Variants in PSAT1 observed in about 807,000 individuals in gnomAD.
PSAT1 encodes the protein phosphoserine aminotransferase 1, also known as phosphoserine aminotransferase.
PSAT1 carries 41 observed loss-of-function variants against 40.3 expected under a neutral mutation model. The observed-to-expected ratio is 1.02, with a 90% CI of 0.79 to 1.32. The LOEUF (loss-of-function observed/expected upper bound fraction) is 1.32, where lower values mean the gene tolerates loss of function less well. Ranked by LOEUF, PSAT1 falls within the 40% of genes most tolerant of loss-of-function variation. The pLI is 0.00. For missense variants in PSAT1, 406 were observed against 455.8 expected (o/e 0.89, Z 0.99); for synonymous variants, 147 against 170.5 (o/e 0.86, Z 1.07).
intron 7 of PSAT1, among the ~76,000 whole-genome samples, chr9:78,322,750 G>C (rs1242484458): frequency 2.0e-5 from 3 of 152,198 alleles, no homozygotes; most frequent in Admixed American, 6.5e-5. Flanking sequence ...CAACTCAGAA[G>C]AAATGCAAGC....
chr9:78,322,187 C>T (rs1397026005), intron 7 of PSAT1, among the ~76,000 whole-genome samples: 1 of 151,300 alleles, frequency 6.6e-6, no homozygotes, highest in Non-Finnish European at 1.5e-5. Context: ...GTGACAGATT[C>T]CATGTCTGGA....
chr9:78,325,845 C>G (rs1279865828), intron 7 of PSAT1, among the ~76,000 whole-genome samples: 1 of 152,126 alleles, frequency 6.6e-6, no homozygotes, highest in African/African-American at 2.4e-5. Context: ...TTTGTGATAT[C>G]TTCTACTTTC....
chr9:78,307,279 G>T (rs1385163546), intron 5 of PSAT1, among the ~76,000 whole-genome samples: 1 of 152,212 alleles, frequency 6.6e-6, no homozygotes, highest in Non-Finnish European at 1.5e-5. Flanking sequence ...TCTCCTAGAA[G>T]TGAATCATGT....
chr9:78,308,310 C>A (rs766438321), intron 5 of PSAT1, 104 bp from the exon 6 acceptor site: 56 of 1,310,566 alleles, frequency 4.3e-5, no homozygotes, highest in Admixed American at 7.2e-5. Flanking sequence ...AGGATAGAGT[C>A]ATTTCCTTAA....
intron 3 of PSAT1, among the ~76,000 whole-genome samples, chr9:78,303,490 C>T (rs1034750543): frequency 1.3e-5 from 2 of 152,022 alleles, no homozygotes; most frequent in African/African-American, 4.8e-5. Context: ...CTTTTCTTCT[C>T]CTAACCTGGT....
chr9:78,307,459 T>C (rs928170803), intron 5 of PSAT1, among the ~76,000 whole-genome samples: 8 of 152,254 alleles, frequency 5.3e-5, no homozygotes, highest in African/African-American at 1.9e-4. Context: ...ATTTGGTTTA[T>C]GGTCTGCTTT....
At position 78,308,685 on chromosome 9, in the gene PSAT1, G is replaced by A. The variant is rs927166566; in HGVS notation, c.740+102G>A. 5.8e-6 allele frequency: 8 copies of A among 1,388,378 alleles called. No individual in the cohort carries two copies. The African/African-American group carries it at 8.6e-5, about 15-fold the overall frequency. The allele number at this position is 1,388,378 out of a possible 1,614,324, so 86.0% of individuals were successfully genotyped here. A position where few individuals can be genotyped will look rare whatever the true frequency, so the allele number is the denominator to read the frequency against. On this transcript the variant is annotated intron_variant, in intron 6 of 8. Coordinates refer to ENST00000376588, the MANE Select transcript of PSAT1 (RefSeq NM_058179.4). ...AATAAAACATGTAAGCCTGGGCGCG[G>A]TGGCTCACACCTGTAATCTTAGCAA...
chr9:78,327,931 G>T, intron 7 of PSAT1, 120 bp from the exon 8 acceptor site: 6 of 1,151,214 alleles, frequency 5.2e-6, no homozygotes, highest in Admixed American at 2.3e-5. Context: ...TTTGTTTTTT[G>T]TTTTTTAAAA....
intron 7 of PSAT1, among the ~76,000 whole-genome samples, chr9:78,323,076 G>A (rs1828451633): frequency 6.6e-6 from 1 of 152,176 alleles, no homozygotes; most frequent in South Asian, 2.1e-4. Context: ...TCCAATGTAA[G>A]ATGTAATGGT....
intron 8 of PSAT1, 49 bp from the exon 9 acceptor site, chr9:78,328,932 C>T (rs369272632): frequency 1.2e-3 from 1,770 of 1,459,818 alleles, no homozygotes; most frequent in Non-Finnish European, 1.6e-3. Context: ...TGTTTTGATG[C>T]GAAATTAGAC....
rs1385813794 is a variant in PSAT1 at position 78,328,204 on chromosome 9, A to G, written c.1007+16A>G. On this transcript the variant is annotated intron_variant, in intron 8 of 8. Transcript: ENST00000376588. ...AAGGGCATAGGTGAGTACATCTGCA[A>G]TGCACGAGCTTGGCAAAGAATTAGC... The G allele has an allele frequency of 6.8e-6, 11 of 1,613,896 alleles. No homozygotes were observed. The highest frequency in any genetic ancestry group is 1.7e-4 in the Middle Eastern group (1 of 5,994).
chr9:78,312,838 G>A (rs1392165056), intron 6 of PSAT1, among the ~76,000 whole-genome samples: 2 of 152,150 alleles, frequency 1.3e-5, no homozygotes, highest in African/African-American at 2.4e-5. Flanking sequence ...TTCACAGAGG[G>A]GTGTGTAGTG....
chr9:78,312,381 A>C (rs1828280760), intron 6 of PSAT1, among the ~76,000 whole-genome samples: 1 of 152,202 alleles, frequency 6.6e-6, no homozygotes, highest in African/African-American at 2.4e-5. Flanking sequence ...ATAGACCATT[A>C]ATCTTAGGCC....
At chr9:78,325,897 C>T (rs761521208) in intron 7 of PSAT1, among the ~76,000 whole-genome samples, 59 of 152,270 alleles carry the variant, frequency 3.9e-4, no homozygotes, top group Non-Finnish European at 6.2e-4. Context: ...ACTGTAAATA[C>T]GGATGCTTAA....
intron 6 of PSAT1, among the ~76,000 whole-genome samples, chr9:78,316,830 G>C (rs1828352009): frequency 6.6e-6 from 1 of 152,328 alleles, no homozygotes; most frequent in East Asian, 1.9e-4. Flanking sequence ...CTGCTGGCTG[G>C]AAGGCACTGT....
intron 1 of PSAT1, among the ~76,000 whole-genome samples, chr9:78,298,555 G>A (rs1309165466): frequency 6.6e-6 from 1 of 152,114 alleles, no homozygotes; most frequent in African/African-American, 2.4e-5. Context: ...GTTTCCTGTA[G>A]CCTCCTCCTG....
chr9:78,328,955 A>C, intron 8 of PSAT1, 26 bp from the exon 9 acceptor site: 2 of 1,581,122 alleles, frequency 1.3e-6, no homozygotes, highest in Non-Finnish European at 1.7e-6. Flanking sequence ...TTTTGTTCTC[A>C]ATGCCTGGAT....
intron 6 of PSAT1, among the ~76,000 whole-genome samples, chr9:78,310,323 A>G (rs1481274256): frequency 6.6e-6 from 1 of 152,194 alleles, no homozygotes; most frequent in Non-Finnish European, 1.5e-5. Context: ...GATCCTGGGT[A>G]TGTACATTCT....
intron 7 of PSAT1, among the ~76,000 whole-genome samples, chr9:78,320,664 T>C (rs1374372521): frequency 6.3e-5 from 8 of 126,554 alleles, no homozygotes; most frequent in Admixed American, 3.3e-4. Flanking sequence ...CCCATCCATC[T>C]ATCCATCTGT....
Sources: gnomAD v4.1 joint callset for allele counts (sites outside exome capture counted in the v4.1 genomes callset) on GRCh38, gnomAD v4.1.1 for gene constraint, MANE v1.5 for transcripts, NCBI Gene and HGNC (gene_info 2026-07-23, HGNC 2026-07-21) for gene names.